ZAN: variants seen among roughly 807,000 people sequenced by gnomAD.
ZAN encodes zonadhesin (gene/pseudogene).
In ZAN, 260 loss-of-function variants were observed where a neutral mutation model predicts 286.2. The ratio of observed to expected loss-of-function variants is 0.91; its 90% CI spans 0.82 to 1.01. ZAN has a LOEUF of 1.01. Among genes scored for constraint, ZAN ranks in the 50% least tolerant of loss-of-function variants. The pLI is 0.00. For synonymous variants in ZAN, 1,368 were observed against 1,417.5 expected, an observed-to-expected ratio of 0.97 and a Z score of 0.79; for missense variants, 3,410 against 3,639.2, an observed-to-expected ratio of 0.94 and a Z score of 1.62.
At chr7:100,734,877 G>A (rs548762342) in intron 2 of ZAN, among the ~76,000 whole-genome samples, 8 of 140,492 alleles carry the variant, frequency 5.7e-5, no homozygotes, top group African/African-American at 1.8e-4. Context: ...ACTTAAGTAC[G>A]AGGCAGCAAA....
At chr7:100,793,021 A>C (rs1584638067) in intron 42 of ZAN, among the ~76,000 whole-genome samples, 1 of 148,958 alleles carries the variant, frequency 6.7e-6, no homozygotes, top group South Asian at 2.1e-4. Context: ...AAAGAACGAA[A>C]AAAAGAAAGA....
At chr7:100,780,493 G>A (rs1041665660) in intron 35 of ZAN, among the ~76,000 whole-genome samples, 11 of 151,650 alleles carry the variant, frequency 7.3e-5, no homozygotes, top group African/African-American at 2.7e-4. Flanking sequence ...GGGCAACATA[G>A]TGAGACCCAA....
rs1807481815 is a variant in ZAN at position 100,738,717 on chromosome 7, C to CT, written c.766+106dup. The CT allele has an allele frequency of 6.6e-6, 8 of 1,219,446 alleles. 1 individual carries two copies. The highest frequency in any genetic ancestry group is 9.0e-6 in the Non-Finnish European group (8 of 888,838). 75.5% of individuals were successfully genotyped at this position (1,219,446 alleles called of 1,614,324 possible). On this transcript the variant is annotated intron_variant, in intron 7 of 47. Coordinates refer to ENST00000613979, the MANE Select transcript of ZAN (RefSeq NM_003386.3). The stretch of plus-strand genomic sequence containing the variant: ...CATGAACACCTACAGCTTCAAGCCT[C>CT]TTACCAGCTCAAGTTTCACGCAAGA...
chr7:100,764,879 TA>T (rs888713716), intron 22 of ZAN, among the ~76,000 whole-genome samples: 278 of 144,318 alleles, frequency 1.9e-3, no homozygotes, highest in Middle Eastern at 0.011. Context: ...ACTCTGTCTT[TA>T]AAAAAAAAAA....
rs1809340677 is a variant in ZAN at position 100,758,759 on chromosome 7, A to T, written c.3571+109A>T. On this transcript the variant is annotated intron_variant, in intron 17 of 47. Coordinates refer to ENST00000613979, the MANE Select transcript of ZAN (RefSeq NM_003386.3). ...AGGGGCAGGGCACAGATGGGGGAAG[A>T]GGCAAGATAGGAGCAAGTTCTTCTG... 1.5e-5 allele frequency: 22 copies of T among 1,475,664 alleles called. No individual in the cohort carries two copies. The East Asian group carries it at 5.5e-4, about 37-fold the overall frequency. 91.4% of individuals were successfully genotyped at this position (1,475,664 alleles called of 1,614,324 possible).
chr7:100,746,916 A>G (rs893891492), intron 8 of ZAN, among the ~76,000 whole-genome samples: 5 of 152,124 alleles, frequency 3.3e-5, no homozygotes, highest in African/African-American at 1.2e-4. Context: ...CCTGGCTAAC[A>G]TGGTGAAACC....
rs766404978 is a variant in ZAN at position 100,775,397 on chromosome 7, C to T, written c.5849C>T (p.Pro1950Leu). The T allele has an allele frequency of 5.1e-5, 82 of 1,613,794 alleles. No individual in the cohort carries two copies. The highest frequency in any genetic ancestry group is 2.9e-4 in the East Asian group (13 of 44,900). Residue 1950 changes from proline (P) to leucine (L), a missense_variant, in exon 32 of 48, where the codon CCG becomes CTG. Pro to Leu is a moderately conservative substitution (Grantham distance 98). Coordinates refer to ENST00000613979, the MANE Select transcript of ZAN (RefSeq NM_003386.3). ...VSFDGSNHSI[P>L]DACTLVLVKV... ...TTTGATGGTAGTAACCATTCTATCC[C>T]GGACGCCTGCACTCTTGTCCTGGTG...
At chr7:100,755,984 G>A (rs570304718) in intron 15 of ZAN, among the ~76,000 whole-genome samples, 177 of 152,120 alleles carry the variant, frequency 1.2e-3, no homozygotes, top group African/African-American at 3.9e-3. Context: ...TCCACCTCCC[G>A]GGTTCAAGCA....
intron 13 of ZAN, 66 bp downstream of exon 13, chr7:100,751,332 G>A: frequency 8.2e-7 from 1 of 1,214,866 alleles, no homozygotes. Context: ...TTCTCTCTAT[G>A]AACTGCTTAA....
chr7:100,779,890 T>A (rs1330610353), intron 35 of ZAN, 140 bp downstream of exon 35: 18 of 1,006,442 alleles, frequency 1.8e-5, no homozygotes, highest in East Asian at 8.5e-5. Context: ...GACTATTTTT[T>A]AATTTTTATA....
At position 100,737,945 on chromosome 7, in the gene ZAN, AATTTATTT is replaced by A. The variant is rs544558816; in HGVS notation, c.614-495_614-488del. Among the ~76,000 whole-genome samples, 9 of 138,038 alleles carry A rather than the reference AATTTATTT, an allele frequency of 6.5e-5. 1 individual carries two copies. Among genetic ancestry groups the A allele is most frequent in the South Asian group, 2.2e-4 (1 of 4,464 alleles). The allele number at this position is 138,038 out of a possible 152,430, so 90.6% of individuals were successfully genotyped here. Reference sequence around the variant, plus strand: ...AAGGAGACCCCCATCTCTACAAAAGAATTTATTTATTTATTTATTTATTTATTTGAGAC... The same window carrying A: ...AAGGAGACCCCCATCTCTACAAAAGAATTTATTTATTTATTTATTTGAGAC... On this transcript the variant is annotated intron_variant, in intron 6 of 47. Transcript: ENST00000613979.
chr7:100,733,653 A>G lies in ZAN; in HGVS notation c.-143+5A>G, dbSNP rs73711150. 0.019 allele frequency: 2,702 copies of G among 142,166 alleles called. 438 individuals carry two copies. Among genetic ancestry groups the G allele is most frequent in the African/African-American group, 0.066 (2,545 of 38,838 alleles). The allele number at this position is 142,166 out of a possible 1,614,324, so 8.8% of individuals were successfully genotyped here. A position where few individuals can be genotyped will look rare whatever the true frequency, so the allele number is the denominator to read the frequency against. ...CATGTTGATTTCTGATCCTTGGTAT[A>G]TGACTTGTTATTTTCTATCTGAAAG... On this transcript the variant is annotated splice_donor_5th_base_variant and intron_variant, in intron 1 of 47. Transcript: ENST00000613979.
In ZAN at chr7:100,752,068, A is replaced by C. The variant is rs753747306; in HGVS notation, c.1963A>C (p.Thr655Pro). 1 of 1,612,732 alleles carries C rather than the reference A, an allele frequency of 6.2e-7. No homozygotes were observed. The highest frequency in any genetic ancestry group is 8.5e-7 in the Non-Finnish European group (1 of 1,179,644). Reference sequence around the variant, plus strand: ...ACCCACCATTTCCACAGAAAAACCCACCGTCCCCACAGAAGAGCCCACCAC... The same window carrying C: ...ACCCACCATTTCCACAGAAAAACCCCCCGTCCCCACAGAAGAGCCCACCAC... ...EKPTISTEKP[T>P]VPTEEPTTPT... Residue 655 changes from threonine to proline, a missense_variant, in exon 14 of 48, where the codon ACC becomes CCC. Coordinates refer to ENST00000613979, the MANE Select transcript of ZAN (RefSeq NM_003386.3).
At chr7:100,789,478 AC>A in intron 39 of ZAN, 131 bp downstream of exon 39, 1 of 1,433,714 alleles carries the variant, frequency 7.0e-7, no homozygotes, top group South Asian at 1.3e-5. Context: ...TCAGAGGAGG[AC>A]CAGGAGGAGG....
At chr7:100,767,757 C>A in intron 25 of ZAN, 74 bp from the exon 26 acceptor site, 5 of 1,504,416 alleles carry the variant, frequency 3.3e-6, no homozygotes, top group Non-Finnish European at 4.5e-6. Context: ...GGTTTGCAGG[C>A]ATGAGCCCCC....
intron 8 of ZAN, among the ~76,000 whole-genome samples, chr7:100,747,298 A>T (rs181198525): frequency 2.0e-5 from 3 of 152,124 alleles, no homozygotes; most frequent in Non-Finnish European, 2.9e-5. Flanking sequence ...GAGGCAGGAG[A>T]ATCGCTTGAA....
At chr7:100,796,573 C>T (rs569773976) in intron 45 of ZAN, among the ~76,000 whole-genome samples, 7 of 152,092 alleles carry the variant, frequency 4.6e-5, no homozygotes, top group African/African-American at 1.2e-4. Context: ...CCGGCCACCA[C>T]GCCCGGCTAT....
At chr7:100,747,720 G>A in intron 9 of ZAN, 79 bp downstream of exon 9, 1 of 1,372,972 alleles carries the variant, frequency 7.3e-7, no homozygotes, top group Non-Finnish European at 1.0e-6. Context: ...GCCTGGTGCT[G>A]TGGCTCATGC....
rs1809479429 is a variant in ZAN at position 100,760,449 on chromosome 7, C to CA, written c.3757dup (p.Ser1253LysfsTer20). ...CCCTCTAAAGGCGTCTTCCTGGGTG[C>CA]AAGCGGGCGGTTTGTGGAGCTGCAG... On this transcript the variant is annotated frameshift_variant, in exon 19 of 48. Coordinates refer to ENST00000613979, the MANE Select transcript of ZAN (RefSeq NM_003386.3). LOFTEE classifies it high-confidence loss of function. 6.2e-7 allele frequency: 1 copy of CA among 1,613,844 alleles called. No individual in the cohort carries two copies. Among genetic ancestry groups the CA allele is most frequent in the Non-Finnish European group, 8.5e-7 (1 of 1,179,896 alleles).
Sources: gnomAD v4.1 joint callset for allele counts (sites outside exome capture counted in the v4.1 genomes callset) on GRCh38, gnomAD v4.1.1 for gene constraint, MANE v1.5 for transcripts, NCBI Gene and HGNC (gene_info 2026-07-23, HGNC 2026-07-21) for gene names.